DNAJB14: variants seen among roughly 807,000 people sequenced by gnomAD.
DNAJB14 encodes DnaJ heat shock protein family (Hsp40) member B14.
A neutral mutation model predicts 48.4 loss-of-function variants in DNAJB14; 22 were observed. The observed-to-expected ratio is 0.45, with a 90% CI of 0.32 to 0.65. The LOEUF (loss-of-function observed/expected upper bound fraction) is 0.65. Ranked by LOEUF, DNAJB14 falls within the 30% of genes least tolerant of loss-of-function variation. DNAJB14 has a pLI of 0.03. For synonymous variants in DNAJB14, 142 were observed against 158.7 expected, an observed-to-expected ratio of 0.89 and a Z score of 0.79; for missense variants, 319 against 458.8, an observed-to-expected ratio of 0.70 and a Z score of 2.78.
At chr4:99,924,677 G>A (rs1272781850) in intron 2 of DNAJB14, 3 of 1,574,260 alleles carry the variant, frequency 1.9e-6, no homozygotes, top group East Asian at 4.5e-5. Context: ...GATCCCACCT[G>A]TGTAGAGACT....
intron 1 of DNAJB14, among the ~76,000 whole-genome samples, chr4:99,940,661 T>TC (rs1172212650): frequency 7.0e-6 from 1 of 143,684 alleles, no homozygotes; most frequent in Non-Finnish European, 1.5e-5. Flanking sequence ...CTCCCCCAAA[T>TC]CCCCCCCAAA....
chr4:99,925,524 T>A (rs1726220315), intron 2 of DNAJB14: 1 of 152,130 alleles, frequency 6.6e-6, no homozygotes, highest in South Asian at 2.1e-4. Flanking sequence ...ATTTAACCAA[T>A]AAGGAAACCA....
At position 99,901,160 on chromosome 4, in the gene DNAJB14, TAAAG is replaced by T; in HGVS notation, c.1016-12_1016-9del. On this transcript the variant is annotated splice_polypyrimidine_tract_variant and intron_variant, in intron 7 of 7. Coordinates refer to ENST00000442697, the MANE Select transcript of DNAJB14 (RefSeq NM_001031723.4). ...CATACTGCATATCTGTTTCTGTTAA[TAAAG>T]AAAAATATTTTGCTAATTGAATAAA... 6.3e-7 allele frequency: 1 copy of T among 1,575,320 alleles called. No homozygotes were observed. The highest frequency in any genetic ancestry group is 1.2e-5 in the South Asian group (1 of 84,732).
At position 99,903,591 on chromosome 4, in the gene DNAJB14, A is replaced by C. The variant is rs986113192; in HGVS notation, c.1015+135T>G. 1.6e-5 allele frequency: 14 copies of C among 884,854 alleles called. 1 individual carries two copies. In the Admixed American group the frequency reaches 3.1e-4, roughly 20 times the overall value. The allele number at this position is 884,854 out of a possible 1,614,324, so 54.8% of individuals were successfully genotyped here. A position where few individuals can be genotyped will look rare whatever the true frequency, so the allele number is the denominator to read the frequency against. Reference sequence around the variant, plus strand: ...GTTAGGCCACATGTATATAAAACACATGATCTCATTTAAGTACTGTGCTCC... The same window carrying C: ...GTTAGGCCACATGTATATAAAACACCTGATCTCATTTAAGTACTGTGCTCC... On this transcript the variant is annotated intron_variant, in intron 7 of 7. Transcript: ENST00000442697.
intron 1 of DNAJB14, among the ~76,000 whole-genome samples, chr4:99,932,341 C>G (rs1431665014): frequency 6.6e-6 from 1 of 151,674 alleles, no homozygotes; most frequent in Admixed American, 6.6e-5. Flanking sequence ...GTTAAAAAAA[C>G]GGGTGAAGGA....
chr4:99,941,991 A>T (rs1444759195), intron 1 of DNAJB14: 1 of 152,138 alleles, frequency 6.6e-6, no homozygotes, highest in Non-Finnish European at 1.5e-5. Flanking sequence ...AAATTATCTT[A>T]AAAAGAATAT....
Position 99,930,565 on chromosome 4 carries a change from G to A in DNAJB14, c.190C>T (p.Arg64Ter), listed in dbSNP as rs1317648368. 4 of 1,611,982 alleles carry A rather than the reference G, an allele frequency of 2.5e-6. No homozygotes were observed. Among genetic ancestry groups the A allele is most frequent in the Non-Finnish European group, 2.5e-6 (3 of 1,179,022 alleles). Residue 64 changes from arginine (R) to a stop codon, truncating the protein, a stop_gained, in exon 2 of 8, where the codon CGA (arginine) becomes TGA (stop). Coordinates refer to ENST00000442697, the MANE Select transcript of DNAJB14 (RefSeq NM_001031723.4). LOFTEE classifies it high-confidence loss of function. ...TGATCGCCACTACCTGATGGTTTTC[G>A]GCAATGAGGGCTATTTCCAGCCGTG... The part of the protein sequence containing the change: ...GSTAGNSPHC[R>*]KPSGSGDQSK...
At chr4:99,943,451 T>C (rs1424789603) in intron 1 of DNAJB14, among the ~76,000 whole-genome samples, 1 of 152,198 alleles carries the variant, frequency 6.6e-6, no homozygotes, top group Non-Finnish European at 1.5e-5. Flanking sequence ...AGAAGCATGA[T>C]AGTGTGTACA....
At chr4:99,904,819 C>T (rs530514489) in intron 6 of DNAJB14, among the ~76,000 whole-genome samples, 5 of 151,878 alleles carry the variant, frequency 3.3e-5, no homozygotes, top group South Asian at 2.1e-4. Flanking sequence ...AATTTATTTA[C>T]GTTATCTCAA....
intron 3 of DNAJB14, among the ~76,000 whole-genome samples, chr4:99,922,021 C>T (rs955636339): frequency 6.6e-6 from 1 of 152,126 alleles, no homozygotes; most frequent in African/African-American, 2.4e-5. Context: ...TGGAGTAAAG[C>T]TTTTCCTGTA....
rs540973703 is a variant in DNAJB14, at chr4:99,916,730, T to C, written c.451+6310A>G. On this transcript the variant is annotated intron_variant, in intron 3 of 7. Transcript: ENST00000442697. Reference sequence around the variant, plus strand: ...ATATACATTATATATACATAATTTATATGTGTTATATATACATAATTTATA... The same window carrying C: ...ATATACATTATATATACATAATTTACATGTGTTATATATACATAATTTATA... Among the ~76,000 whole-genome samples, 6 of 152,272 alleles carry C rather than the reference T, an allele frequency of 3.9e-5. No individual in the cohort carries two copies. In the South Asian group the frequency reaches 1.2e-3, roughly 32 times the overall value.
intron 3 of DNAJB14, among the ~76,000 whole-genome samples, chr4:99,909,435 A>AT (rs970549089): frequency 2.3e-4 from 35 of 152,084 alleles, no homozygotes; most frequent in Admixed American, 7.2e-4. Flanking sequence ...TGAATGAGCT[A>AT]TTTTTTCATT....
intron 2 of DNAJB14, chr4:99,924,624 G>T: frequency 1.9e-6 from 2 of 1,056,756 alleles, no homozygotes; most frequent in Non-Finnish European, 2.7e-6. Flanking sequence ...CCCAGACAGT[G>T]TTCTAGGCAT....
intron 3 of DNAJB14, among the ~76,000 whole-genome samples, chr4:99,909,759 A>G (rs2110197174): frequency 6.6e-6 from 1 of 152,168 alleles, no homozygotes; most frequent in Middle Eastern, 3.4e-3. Flanking sequence ...TAGGTAAGCA[A>G]AGTTTTTATA....
At position 99,900,779 on chromosome 4, in the gene DNAJB14, C is replaced by A. The variant is rs1725270389; in HGVS notation, c.*249G>T. ...GGTGTGATAATCCTTTCTCATGACA[C>A]TTTAGTTAGGAATCATGTAAGCTTT... On this transcript the variant is annotated 3_prime_UTR_variant, in exon 8 of 8. Transcript: ENST00000442697. 2 of 309,306 alleles carry A rather than the reference C, an allele frequency of 6.5e-6. No individual in the cohort carries two copies. The highest frequency in any genetic ancestry group is 9.9e-5 in the Admixed American group (2 of 20,232). The allele number at this position is 309,306 out of a possible 1,614,324, so 19.2% of individuals were successfully genotyped here.
intron 1 of DNAJB14, among the ~76,000 whole-genome samples, chr4:99,938,906 G>A (rs1726788388): frequency 6.6e-6 from 1 of 151,944 alleles, no homozygotes; most frequent in African/African-American, 2.4e-5. Context: ...AAGCAATCAA[G>A]CATTTATCAT....
intron 3 of DNAJB14, among the ~76,000 whole-genome samples, chr4:99,916,610 C>T (rs1469782009): frequency 6.6e-6 from 1 of 152,020 alleles, no homozygotes; most frequent in Admixed American, 6.6e-5. Flanking sequence ...GAGTTAGTTT[C>T]TTGAACATTT....
chr4:99,935,049 A>G (rs377370790), intron 1 of DNAJB14, among the ~76,000 whole-genome samples: 19 of 151,958 alleles, frequency 1.3e-4, no homozygotes, highest in African/African-American at 4.3e-4. Flanking sequence ...TATTAACAGT[A>G]AAGATCCAAC....
chr4:99,898,780 T>C lies in DNAJB14; in HGVS notation c.*2248A>G, dbSNP rs1725205056. 2 of 151,898 alleles carry C rather than the reference T, an allele frequency of 1.3e-5. No homozygotes were observed. The highest frequency in any genetic ancestry group is 4.8e-5 in the African/African-American group (2 of 41,430). 9.4% of individuals were successfully genotyped at this position (151,898 alleles called of 1,614,324 possible). A position where few individuals can be genotyped will look rare whatever the true frequency, so the allele number is the denominator to read the frequency against. ...CATAAGATGGCAAAATGTTGGGATT[T>C]TTATTATAAAAAAAGCAGCAAACAT... On this transcript the variant is annotated 3_prime_UTR_variant, in exon 8 of 8. Coordinates refer to ENST00000442697, the MANE Select transcript of DNAJB14 (RefSeq NM_001031723.4).
Sources: allele counts gnomAD v4.1 joint callset (sites outside exome capture counted in the v4.1 genomes callset), GRCh38; gene constraint gnomAD v4.1.1; transcripts MANE v1.5; gene names NCBI Gene and HGNC (gene_info 2026-07-23, HGNC 2026-07-21).